Variants in PLPP2 observed in about 807,000 individuals in gnomAD.
PLPP2 encodes the protein PAP2-gamma.
PLPP2 carries 29 observed loss-of-function variants against 35.2 expected under a neutral mutation model. That is an observed-to-expected ratio of 0.82 (90% confidence interval 0.61 to 1.12). The LOEUF (loss-of-function observed/expected upper bound fraction) is 1.12. PLPP2 is among the 50% of genes most tolerant of loss of function. The pLI, the probability that PLPP2 is intolerant of heterozygous loss-of-function variation, is 0.00. For synonymous variants in PLPP2, 162 were observed against 167.0 expected (o/e 0.97, Z 0.23); for missense variants, 353 against 375.2 (o/e 0.94, Z 0.49).
chr19:291,197 T>C (rs554394285), intron 1 of PLPP2, 88 bp downstream of exon 1: 116 of 1,582,940 alleles, frequency 7.3e-5, no homozygotes, highest in Admixed American at 6.3e-4. Flanking sequence ...GCGCGCAGCC[T>C]CCGCGTTCCC....
Position 282,814 on chromosome 19 carries a change from G to A in PLPP2, c.483-5C>T. ...TGTCCCGAGTAGAAAGACAACCTGAGGAAGGAGAAGGGGCAGGTGGCTCAC... is the reference window on the plus strand; with the variant it reads ...TGTCCCGAGTAGAAAGACAACCTGAAGAAGGAGAAGGGGCAGGTGGCTCAC... On this transcript the variant is annotated splice_polypyrimidine_tract_variant and splice_region_variant and intron_variant, in intron 3 of 5. Transcript: ENST00000434325. 1.2e-6 allele frequency: 2 copies of A among 1,613,448 alleles called. No homozygotes were observed. Among genetic ancestry groups the A allele is most frequent in the Non-Finnish European group, 1.7e-6 (2 of 1,179,658 alleles).
At chr19:290,926 C>T (rs1353693812) in intron 1 of PLPP2, 4 of 1,227,398 alleles carry the variant, frequency 3.3e-6, no homozygotes, top group Non-Finnish European at 2.0e-6. Flanking sequence ...GCGGCCGCCC[C>T]CACCTCCCGG....
intron 3 of PLPP2, chr19:285,246 A>C (rs1970251793): frequency 1.3e-5 from 2 of 152,234 alleles, no homozygotes; most frequent in South Asian, 4.1e-4. Context: ...CAGCCTAGCC[A>C]ACATGGTGAA....
rs139755791 is a variant in PLPP2, at chr19:281,555, G to A, written c.718-18C>T. The A allele has an allele frequency of 7.5e-5, 110 of 1,458,490 alleles. No homozygotes were observed. In the African/African-American group the frequency reaches 1.3e-3, roughly 17 times the overall value. The allele number at this position is 1,458,490 out of a possible 1,614,324, so 90.3% of individuals were successfully genotyped here. A position where few individuals can be genotyped will look rare whatever the true frequency, so the allele number is the denominator to read the frequency against. On this transcript the variant is annotated intron_variant, in intron 5 of 5. Transcript: ENST00000434325. ...TAGCAGACCTGGTAGAGCAGAGGGT[G>A]GTGAGAATGGGCAGGGGGCTGTCCA...
chr19:286,543 G>C (rs1970274000), intron 3 of PLPP2: 1 of 152,058 alleles, frequency 6.6e-6, no homozygotes, highest in Admixed American at 6.5e-5. Flanking sequence ...CGAAATGACA[G>C]AGGTCCTTCC....
Position 287,791 on chromosome 19 carries a change from G to T in PLPP2, c.205-40C>A, listed in dbSNP as rs760053011. ...GCAGGAACCAGTGGGGGTCTCGGTC[G>T]GCCCAGGGGCCCTCACTCCTCCGCA... On this transcript the variant is annotated intron_variant, in intron 2 of 5. Coordinates refer to ENST00000434325, the MANE Select transcript of PLPP2 (RefSeq NM_003712.4). The surrounding 1 kb of genome is among the most constrained non-coding windows in gnomAD (Gnocchi z 4.3). 1.2e-6 allele frequency: 2 copies of T among 1,606,424 alleles called. No homozygotes were observed. The highest frequency in any genetic ancestry group is 2.2e-5 in the East Asian group (1 of 44,744).
intron 1 of PLPP2, among the ~76,000 whole-genome samples, chr19:290,535 G>A (rs912934646): frequency 6.6e-6 from 1 of 151,350 alleles, no homozygotes; most frequent in Non-Finnish European, 1.5e-5. Context: ...TTGGGGAGGA[G>A]GGCACCCCCC....
chr19:287,736 C>T lies in PLPP2; in HGVS notation c.220G>A (p.Ala74Thr). 3.1e-6 allele frequency: 5 copies of T among 1,613,492 alleles called. No homozygotes were observed. Among genetic ancestry groups the T allele is most frequent in the Non-Finnish European group, 4.2e-6 (5 of 1,179,892 alleles). Residue 74 changes from alanine to threonine, a missense_variant, in exon 3 of 6, where the codon GCC (alanine) becomes ACC (threonine). Physicochemically the swap from Ala to Thr is moderately conservative, Grantham distance 58. Transcript: ENST00000434325. The surrounding 1 kb of genome is among the most constrained non-coding windows in gnomAD (Gnocchi z 4.3). ...AGCCGGTCTGTGTACACCAGGTAGG[C>T]TTCCCCGGCCGAGACCTGCAAGAGC... ...ATVILVSAGE[A>T]YLVYTDRLYS...
chr19:282,338 TG>T (rs1321738968), intron 4 of PLPP2, 28 bp from the exon 5 acceptor site: 3 of 1,607,612 alleles, frequency 1.9e-6, no homozygotes, highest in Non-Finnish European at 1.7e-6. Context: ...CGTGTTAGCC[TG>T]TGCACCTGCC....
intron 1 of PLPP2, chr19:290,992 C>T: frequency 1.6e-6 from 2 of 1,249,882 alleles, no homozygotes; most frequent in Non-Finnish European, 2.0e-6. Flanking sequence ...GCGCGCGCGG[C>T]CCCTCCGCAC....
At chr19:282,404 TC>T (rs1970195966) in intron 4 of PLPP2, 94 bp from the exon 5 acceptor site, 1 of 696,688 alleles carries the variant, frequency 1.4e-6, no homozygotes, top group East Asian at 2.9e-5. Context: ...TGCCAGGCGC[TC>T]CCCCTCCCCC....
intron 3 of PLPP2, chr19:285,720 T>G (rs1343311430): frequency 6.7e-6 from 1 of 150,152 alleles, no homozygotes; most frequent in Non-Finnish European, 1.5e-5. Context: ...CCCAGCACTT[T>G]GGGAGGCCAG....
chr19:290,461 G>T (rs1283948716), intron 1 of PLPP2, among the ~76,000 whole-genome samples: 1 of 152,198 alleles, frequency 6.6e-6, no homozygotes, highest in African/African-American at 2.4e-5. Flanking sequence ...CTAAAAAAGG[G>T]TCTCCTTCCG....
chr19:290,157 C>A (rs140927662), intron 1 of PLPP2, among the ~76,000 whole-genome samples: 1,665 of 152,258 alleles, frequency 0.011, 26 homozygotes, highest in Middle Eastern at 0.034. Context: ...GTGGTGTGCT[C>A]AAGCTTCCAG....
intron 3 of PLPP2, chr19:286,463 A>AAAAC (rs546209120): frequency 6.6e-6 from 1 of 152,216 alleles, no homozygotes; most frequent in East Asian, 1.9e-4. Context: ...AATTAAAAGC[A>AAAAC]AAACAAACAA....
chr19:283,047 CA>C, intron 3 of PLPP2: 1 of 507,606 alleles, frequency 2.0e-6, no homozygotes, highest in Non-Finnish European at 3.5e-6. Context: ...GGCCTGAACC[CA>C]AAACCCAGGG....
chr19:287,328 G>C lies in PLPP2; in HGVS notation c.482+146C>G. On this transcript the variant is annotated intron_variant, in intron 3 of 5. Coordinates refer to ENST00000434325, the MANE Select transcript of PLPP2 (RefSeq NM_003712.4). This position sits in a 1 kb window ranked among gnomAD's most constrained non-coding sequence, Gnocchi z 4.3. ...ATGGATGAACTTCAAAAACATACAAGAATGCACTAACTTATACAAAAATTA... is the reference window on the plus strand; with the variant it reads ...ATGGATGAACTTCAAAAACATACAACAATGCACTAACTTATACAAAAATTA... 1 of 981,260 alleles carries C rather than the reference G, an allele frequency of 1.0e-6. No homozygotes were observed. Among genetic ancestry groups the C allele is most frequent in the Non-Finnish European group, 1.5e-6 (1 of 666,652 alleles). 60.8% of individuals were successfully genotyped at this position (981,260 alleles called of 1,614,324 possible). A position where few individuals can be genotyped will look rare whatever the true frequency, so the allele number is the denominator to read the frequency against.
chr19:290,617 G>A (rs1970368599), intron 1 of PLPP2, among the ~76,000 whole-genome samples: 1 of 152,208 alleles, frequency 6.6e-6, no homozygotes, highest in Non-Finnish European at 1.5e-5. Context: ...CCGGGACCCT[G>A]CGGGAGGGGG....
intron 5 of PLPP2, 115 bp downstream of exon 5, chr19:282,017 CAG>C: frequency 8.4e-7 from 1 of 1,185,464 alleles, no homozygotes; most frequent in South Asian, 1.4e-5. Context: ...GGAGGACTGA[CAG>C]GGAGGAGGCC....
Sources: gnomAD v4.1 joint callset for allele counts (sites outside exome capture counted in the v4.1 genomes callset) on GRCh38, gnomAD v4.1.1 for gene constraint, Gnocchi (gnomAD v3.1) non-coding constraint, MANE v1.5 for transcripts, NCBI Gene and HGNC (gene_info 2026-07-23, HGNC 2026-07-21) for gene names.